SRGAP1: variants seen among roughly 807,000 people sequenced by gnomAD.
The protein encoded by SRGAP1 is SLIT-ROBO Rho GTPase-activating protein 1.
SRGAP1 carries 43 observed loss-of-function variants against 121.9 expected under a neutral mutation model. That is an observed-to-expected ratio of 0.35 (90% CI 0.28 to 0.46). SRGAP1 has a LOEUF of 0.46. Ranked by LOEUF, SRGAP1 falls within the 20% of genes least tolerant of loss-of-function variation. SRGAP1 has a pLI of 1.00. For synonymous variants in SRGAP1, 447 were observed against 485.4 expected, an observed-to-expected ratio of 0.92 and a Z score of 1.04; for missense variants, 1,102 against 1,350.9, an observed-to-expected ratio of 0.82 and a Z score of 2.89.
intron 21 of SRGAP1, 54 bp from the exon 22 acceptor site, chr12:64,142,241 A>C: frequency 1.3e-6 from 2 of 1,571,920 alleles, no homozygotes; most frequent in Non-Finnish European, 8.6e-7. Context: ...GTTTCTATAC[A>C]TTAGTATTCA....
At chr12:64,138,993 C>G (rs1393280010) in intron 21 of SRGAP1, among the ~76,000 whole-genome samples, 4 of 152,090 alleles carry the variant, frequency 2.6e-5, no homozygotes, top group Non-Finnish European at 4.4e-5. Context: ...TTAACACCAT[C>G]TAAAAAATAT....
At position 64,143,486 on chromosome 12, in the gene SRGAP1, C is replaced by G. The variant is rs984493204; in HGVS notation, c.*814C>G. ...AAGACTTTCTGGTTACACTACTCCA[C>G]GAACTCCTCCAAAGATCCGTTATTC... On this transcript the variant is annotated 3_prime_UTR_variant, in exon 22 of 22. Coordinates refer to ENST00000355086, the MANE Select transcript of SRGAP1 (RefSeq NM_020762.4). The G allele has an allele frequency of 6.6e-6, 1 of 152,206 alleles. No homozygotes were observed. The highest frequency in any genetic ancestry group is 2.4e-5 in the African/African-American group (1 of 41,438). 9.4% of individuals were successfully genotyped at this position (152,206 alleles called of 1,614,324 possible). A position where few individuals can be genotyped will look rare whatever the true frequency, so the allele number is the denominator to read the frequency against.
At chr12:64,032,316 T>C in intron 4 of SRGAP1, 2 of 336,680 alleles carry the variant, frequency 5.9e-6, no homozygotes, top group South Asian at 3.1e-5. Context: ...GGCAGGCCAG[T>C]TGGCGTTTCT....
intron 6 of SRGAP1, among the ~76,000 whole-genome samples, chr12:64,057,880 C>G (rs1361022175): frequency 6.6e-6 from 1 of 152,166 alleles, no homozygotes; most frequent in Admixed American, 6.6e-5. Context: ...TGGGGCTGCC[C>G]TCCAGTTACT....
chr12:63,951,719 C>T (rs907180317), intron 1 of SRGAP1, among the ~76,000 whole-genome samples: 1 of 152,226 alleles, frequency 6.6e-6, no homozygotes, highest in South Asian at 2.1e-4. Context: ...TTTAGACTGA[C>T]TTGTAGAATG....
At chr12:63,945,736 C>G (rs936613589) in intron 1 of SRGAP1, among the ~76,000 whole-genome samples, 15 of 152,178 alleles carry the variant, frequency 9.9e-5, no homozygotes, top group African/African-American at 3.6e-4. Context: ...ACTGAGATGG[C>G]CCCAGCAAGG....
chr12:63,935,385 A>G (rs983618740), intron 1 of SRGAP1, among the ~76,000 whole-genome samples: 4 of 152,202 alleles, frequency 2.6e-5, no homozygotes, highest in Admixed American at 1.3e-4. Context: ...CACTTACTCC[A>G]ACACTTTGAA....
chr12:64,147,786 G>T lies in SRGAP1; in HGVS notation c.*5114G>T, dbSNP rs2037077124. ...CATTACAGGCTTCAGTATACAGTCA[G>T]GTTTGTTCTTCACGGTGTATCTTTA... is the stretch of plus-strand genomic sequence containing the variant. On this transcript the variant is annotated 3_prime_UTR_variant, in exon 22 of 22. Coordinates refer to ENST00000355086, the MANE Select transcript of SRGAP1 (RefSeq NM_020762.4). 5.0e-6 allele frequency: 2 copies of T among 397,542 alleles called. No homozygotes were observed. The highest frequency in any genetic ancestry group is 8.9e-6 in the Non-Finnish European group (2 of 225,974). 24.6% of individuals were successfully genotyped at this position (397,542 alleles called of 1,614,324 possible).
chr12:64,100,837 G>A (rs116149884), intron 15 of SRGAP1, among the ~76,000 whole-genome samples: 306 of 152,042 alleles, frequency 2.0e-3, no homozygotes, highest in African/African-American at 6.5e-3. Context: ...GGATTTTCCT[G>A]CATTTTTCCT....
chr12:63,844,826 C>T lies in SRGAP1; in HGVS notation c.10C>T (p.Pro4Ser), dbSNP rs769033327. ...CCGGAACAGCTGGATAATGTCCACC[C>T]CGAGCCGATTCAAGAAGGACAAAGA... Reference protein sequence around the residue: MSTPSRFKKDKEII... With the variant: MSTSSRFKKDKEII... Residue 4 changes from proline to serine, a missense_variant, in exon 1 of 22, where the codon CCG becomes TCG. Coordinates refer to ENST00000355086, the MANE Select transcript of SRGAP1 (RefSeq NM_020762.4). This position sits in a 1 kb window ranked among gnomAD's most constrained non-coding sequence, Gnocchi z 4.3. 10 of 1,614,158 alleles carry T rather than the reference C, an allele frequency of 6.2e-6. No homozygotes were observed. The Middle Eastern group carries it at 4.9e-4, about 80-fold the overall frequency.
Position 64,118,653 on chromosome 12 carries a change from G to A in SRGAP1, c.2224+2760G>A, listed in dbSNP as rs541213677. 1.5e-3 allele frequency among the ~76,000 whole-genome samples: 221 copies of A among 152,116 alleles called. 1 individual carries two copies. The highest frequency in any genetic ancestry group is 5.2e-3 in the African/African-American group (217 of 41,434). ...TTGATTTGCATTCTCCTGATGATTA[G>A]TGATGTTCAGCATTTTAAAATATAC... On this transcript the variant is annotated intron_variant, in intron 18 of 21. Transcript: ENST00000355086.
chr12:64,024,444 A>AAAAAAG (rs776846281), intron 4 of SRGAP1, among the ~76,000 whole-genome samples: 1 of 152,176 alleles, frequency 6.6e-6, no homozygotes, highest in Non-Finnish European at 1.5e-5. Context: ...TCCAGTCTCA[A>AAAAAAG]AAAAAGAAAA....
chr12:64,086,939 G>A, intron 10 of SRGAP1, 60 bp from the exon 11 acceptor site: 5 of 1,291,912 alleles, frequency 3.9e-6, no homozygotes, highest in Non-Finnish European at 5.6e-6. Context: ...ATACAAAAGA[G>A]TACCACATAC....
At chr12:63,868,853 A>G (rs1253380363) in intron 1 of SRGAP1, among the ~76,000 whole-genome samples, 3 of 152,188 alleles carry the variant, frequency 2.0e-5, no homozygotes, top group Non-Finnish European at 4.4e-5. Context: ...TCTGTTGAGA[A>G]GATCTAGTTT....
At chr12:63,893,485 T>C (rs1809457746) in intron 1 of SRGAP1, among the ~76,000 whole-genome samples, 1 of 152,206 alleles carries the variant, frequency 6.6e-6, no homozygotes, top group South Asian at 2.1e-4. Context: ...TCTGATTTTA[T>C]AGTTTTAAGC....
At chr12:64,033,749 C>T (rs951842725) in intron 4 of SRGAP1, among the ~76,000 whole-genome samples, 6 of 151,588 alleles carry the variant, frequency 4.0e-5, no homozygotes, top group Non-Finnish European at 5.9e-5. Context: ...AGACTGGGTG[C>T]GATGGCTCAC....
intron 3 of SRGAP1, 49 bp downstream of exon 3, chr12:63,990,121 T>C (rs765507042): frequency 4.1e-6 from 6 of 1,462,984 alleles, no homozygotes; most frequent in Non-Finnish European, 5.6e-6. Context: ...AACTGCCTTG[T>C]CTATAACCAG....
intron 1 of SRGAP1, chr12:63,872,193 G>A (rs935400094): frequency 3.3e-6 from 1 of 300,224 alleles, no homozygotes; most frequent in Non-Finnish European, 6.2e-6. Flanking sequence ...GATTGTTTTT[G>A]TACCCTAGGT....
chr12:63,855,079 C>T (rs575865897), intron 1 of SRGAP1, among the ~76,000 whole-genome samples: 5 of 152,152 alleles, frequency 3.3e-5, no homozygotes, highest in East Asian at 1.9e-4. Context: ...TTTTCTTTCT[C>T]GGGTAACAGA....
Sources: gnomAD v4.1 joint callset for allele counts (sites outside exome capture counted in the v4.1 genomes callset) on GRCh38, gnomAD v4.1.1 for gene constraint, Gnocchi (gnomAD v3.1) non-coding constraint, MANE v1.5 for transcripts, NCBI Gene and HGNC (gene_info 2026-07-23, HGNC 2026-07-21) for gene names.